Variants in TBC1D14 observed in about 807,000 individuals in gnomAD.
TBC1D14 encodes TBC1 domain family, member 14.
Under a neutral mutation model 79.0 loss-of-function variants are expected in TBC1D14, and 26 were observed. The observed-to-expected ratio is 0.33, with a 90% CI of 0.24 to 0.46. TBC1D14 has a LOEUF of 0.46. Ranked by LOEUF, TBC1D14 falls within the 20% of genes least tolerant of loss-of-function variation. TBC1D14 has a pLI of 1.00. For missense variants in TBC1D14, 769 were observed against 887.6 expected, an observed-to-expected ratio of 0.87 and a Z score of 1.70; for synonymous variants, 394 against 349.9, an observed-to-expected ratio of 1.13 and a Z score of -1.40.
At chr4:6,986,438 A>C (rs4234794) in intron 3 of TBC1D14, among the ~76,000 whole-genome samples, 149,269 of 152,342 alleles carry the variant, frequency 0.98, 73,145 homozygotes, top group East Asian at 1. Flanking sequence ...AGCTTCTCTA[A>C]GTCTTTGCTA....
chr4:7,009,901 C>G lies in TBC1D14; in HGVS notation c.1471C>G (p.His491Asp). ...GGGTGGTCCATATCATGACATGTTG[C>G]ACAGTATTTTGGGCGCTTATACTTG... ...QQGGPYHDML[H>D]SILGAYTCYR... The change falls in exon 10 of 14, where the codon CAC becomes GAC. Residue 491 changes from histidine to aspartate, a missense_variant. Coordinates refer to ENST00000409757, the MANE Select transcript of TBC1D14 (RefSeq NM_020773.3). 1 of 1,614,178 alleles carries G rather than the reference C, an allele frequency of 6.2e-7. No homozygotes were observed. Among genetic ancestry groups the G allele is most frequent in the Non-Finnish European group, 8.5e-7 (1 of 1,180,036 alleles).
chr4:7,018,291 C>T (rs1244426249), intron 12 of TBC1D14, among the ~76,000 whole-genome samples: 2 of 152,194 alleles, frequency 1.3e-5, no homozygotes, highest in Non-Finnish European at 2.9e-5. Flanking sequence ...CTCCTGCTCG[C>T]GGCAGGGGCT....
At chr4:6,913,691 A>G (rs1441380271) in intron 1 of TBC1D14, among the ~76,000 whole-genome samples, 1 of 152,232 alleles carries the variant, frequency 6.6e-6, no homozygotes, top group African/African-American at 2.4e-5. Flanking sequence ...ATTATAAACT[A>G]TACCGGTTTT....
intron 9 of TBC1D14, among the ~76,000 whole-genome samples, chr4:7,009,626 G>A (rs577875445): frequency 1.6e-4 from 24 of 152,298 alleles, no homozygotes; most frequent in African/African-American, 5.8e-4. Context: ...TTTGTCCAGG[G>A]TGGTGCTCCT....
In TBC1D14 at chr4:6,965,625, T is replaced by C. The variant is rs1345618749; in HGVS notation, c.723-1679T>C. ...GGTGTAATCATAGCTCACTGTAACC[T>C]TGAACTCCTGGGTTCCAATGATATC... On this transcript the variant is annotated intron_variant, in intron 2 of 13. Transcript: ENST00000409757. Among the ~76,000 whole-genome samples the C allele has an allele frequency of 2.0e-5, 3 of 152,188 alleles. No homozygotes were observed. The East Asian group carries it at 5.8e-4, about 29-fold the overall frequency.
At chr4:7,015,240 C>T (rs1419011348) in intron 12 of TBC1D14, among the ~76,000 whole-genome samples, 1 of 151,802 alleles carries the variant, frequency 6.6e-6, no homozygotes, top group East Asian at 1.9e-4. Flanking sequence ...TTTTAAGTTA[C>T]CTGGAAGGCA....
chr4:6,926,950 C>G (rs2108933966), intron 2 of TBC1D14, among the ~76,000 whole-genome samples: 1 of 152,320 alleles, frequency 6.6e-6, no homozygotes, highest in South Asian at 2.1e-4. Context: ...TTTCCTTGTC[C>G]TCAGTGAATC....
chr4:7,022,276 T>A (rs1721907404), intron 12 of TBC1D14, among the ~76,000 whole-genome samples: 3 of 152,054 alleles, frequency 2.0e-5, no homozygotes, highest in Non-Finnish European at 4.4e-5. Flanking sequence ...GAGCCCTGAC[T>A]GGGGCAGAGG....
rs749447410 is a variant in TBC1D14 at position 6,967,369 on chromosome 4, T to A, written c.788T>A (p.Phe263Tyr). 13 of 1,613,884 alleles carry A rather than the reference T, an allele frequency of 8.1e-6. 1 individual carries two copies. In the African/African-American group the frequency reaches 1.7e-4, roughly 22 times the overall value. Residue 263 changes from phenylalanine (F) to tyrosine (Y), a missense_variant, in exon 3 of 14, where the codon TTT becomes TAT. Coordinates refer to ENST00000409757, the MANE Select transcript of TBC1D14 (RefSeq NM_020773.3). ...DKHNDLGWKL[F>Y]GKAPLRENAQ... Reference sequence around the variant, plus strand: ...CACAATGACTTGGGATGGAAGTTATTTGGGAAAGCGCCACTCCGAGAGAAT... The same window carrying A: ...CACAATGACTTGGGATGGAAGTTATATGGGAAAGCGCCACTCCGAGAGAAT...
chr4:6,982,405 T>C (rs1175106847), intron 3 of TBC1D14, among the ~76,000 whole-genome samples: 2 of 152,168 alleles, frequency 1.3e-5, no homozygotes, highest in African/African-American at 4.8e-5. Flanking sequence ...AAAGTTGTAG[T>C]GATGGAGAAC....
rs1714081400 is a variant in TBC1D14, at chr4:6,951,937, G to C, written c.723-15367G>C. ...ATTTGGAGAGGCATGGGAACACGAGGCTGCAGGGTCTGTATTTGGGAAGGA... is the reference window on the plus strand; with the variant it reads ...ATTTGGAGAGGCATGGGAACACGAGCCTGCAGGGTCTGTATTTGGGAAGGA... On this transcript the variant is annotated intron_variant, in intron 2 of 13. Coordinates refer to ENST00000409757, the MANE Select transcript of TBC1D14 (RefSeq NM_020773.3). Among the ~76,000 whole-genome samples the C allele has an allele frequency of 2.6e-5, 4 of 152,268 alleles. No homozygotes were observed. The South Asian group carries it at 8.3e-4, about 32-fold the overall frequency.
chr4:6,985,109 A>T (rs1033685012), intron 3 of TBC1D14, among the ~76,000 whole-genome samples: 3 of 152,154 alleles, frequency 2.0e-5, no homozygotes, highest in African/African-American at 4.8e-5. Context: ...TCTATTTTTT[A>T]AAAAATTGAA....
At chr4:6,921,693 A>ATT (rs35634049) in intron 1 of TBC1D14, among the ~76,000 whole-genome samples, 87 of 92,222 alleles carry the variant, frequency 9.4e-4, no homozygotes, top group African/African-American at 3.7e-3. Flanking sequence ...CACCTGGCTA[A>ATT]TTTTTTTTTT....
intron 1 of TBC1D14, among the ~76,000 whole-genome samples, chr4:6,918,609 C>T (rs770448344): frequency 2.0e-5 from 3 of 152,206 alleles, no homozygotes; most frequent in Non-Finnish European, 4.4e-5. Flanking sequence ...GGGTTAAGCA[C>T]CTCATTTGAG....
chr4:6,996,465 G>C, intron 5 of TBC1D14, 58 bp downstream of exon 5: 1 of 1,338,816 alleles, frequency 7.5e-7, no homozygotes, highest in Non-Finnish European at 1.1e-6. Flanking sequence ...GTGTCTTTCT[G>C]GTTATTTTCT....
At chr4:7,017,526 G>C (rs1721404856) in intron 12 of TBC1D14, among the ~76,000 whole-genome samples, 1 of 152,198 alleles carries the variant, frequency 6.6e-6, no homozygotes, top group African/African-American at 2.4e-5. Flanking sequence ...AGCATGTCGA[G>C]TGTAGAACCT....
At chr4:7,015,903 A>G (rs1255959146) in intron 12 of TBC1D14, among the ~76,000 whole-genome samples, 1 of 152,246 alleles carries the variant, frequency 6.6e-6, no homozygotes, top group South Asian at 2.1e-4. Context: ...AGAATGTACT[A>G]TTCGACCAGA....
chr4:6,915,279 C>T (rs1338572502), intron 1 of TBC1D14, among the ~76,000 whole-genome samples: 2 of 152,146 alleles, frequency 1.3e-5, no homozygotes, highest in African/African-American at 4.8e-5. Flanking sequence ...CATGGGGGAC[C>T]CTGAGAGGCC....
intron 1 of TBC1D14, among the ~76,000 whole-genome samples, chr4:6,917,830 A>G (rs967095015): frequency 6.6e-6 from 1 of 152,114 alleles, no homozygotes; most frequent in Non-Finnish European, 1.5e-5. Flanking sequence ...TATAAAGGGT[A>G]TTATCACGCG....
Sources: gnomAD v4.1 joint callset for allele counts (sites outside exome capture counted in the v4.1 genomes callset) on GRCh38, gnomAD v4.1.1 for gene constraint, MANE v1.5 for transcripts, NCBI Gene and HGNC (gene_info 2026-07-23, HGNC 2026-07-21) for gene names.